Variants in ELSPBP1 observed in about 807,000 individuals in gnomAD.
The protein encoded by ELSPBP1 is epididymal sperm-binding protein 1.
Under a neutral mutation model 33.3 loss-of-function variants are expected in ELSPBP1, and 38 were observed. That is an observed-to-expected ratio of 1.14 (90% CI 0.88 to 1.50). ELSPBP1 has a LOEUF of 1.50. ELSPBP1 is among the 40% of genes most tolerant of loss of function. The pLI, the probability that ELSPBP1 is intolerant of heterozygous loss-of-function variation, is 0.00. For synonymous variants in ELSPBP1, 85 were observed against 94.1 expected (o/e 0.90, Z 0.56); for missense variants, 267 against 263.5 (o/e 1.01, Z -0.09).
Position 48,006,590 on chromosome 19 carries a change from GGC to G in ELSPBP1, c.-17-2059_-17-2058del, listed in dbSNP as rs1568404315. On this transcript the variant is annotated intron_variant, in intron 1 of 6. Coordinates refer to ENST00000339841, the MANE Select transcript of ELSPBP1 (RefSeq NM_022142.5). ...GGTGGTGCCACTGCACTCCAGTCTGGGCGTCTGGGCGACAGAGTGAGACCCTG... is the reference window on the plus strand; with the variant it reads ...GGTGGTGCCACTGCACTCCAGTCTGGGTCTGGGCGACAGAGTGAGACCCTG... Among the ~76,000 whole-genome samples, 101 of 71,982 alleles carry G rather than the reference GGC, an allele frequency of 1.4e-3. 1 individual carries two copies. The highest frequency in any genetic ancestry group is 4.2e-3 in the African/African-American group (75 of 17,700). The allele number at this position is 71,982 out of a possible 152,430, so 47.2% of individuals were successfully genotyped here.
intron 4 of ELSPBP1, 145 bp downstream of exon 4, chr19:48,016,184 G>A (rs927777485): frequency 7.5e-6 from 7 of 935,522 alleles, no homozygotes; most frequent in African/African-American, 1.6e-5. Context: ...CAGAGAGTTC[G>A]CTATGACAAC....
chr19:47,994,921 G>C (rs1234208397), intron 1 of ELSPBP1, 110 bp downstream of exon 1: 1 of 152,090 alleles, frequency 6.6e-6, no homozygotes, highest in Non-Finnish European at 1.5e-5. Context: ...TATAATACGA[G>C]CCACATAAAT....
chr19:47,998,255 T>C (rs942204136), intron 1 of ELSPBP1, among the ~76,000 whole-genome samples: 2 of 151,566 alleles, frequency 1.3e-5, no homozygotes, highest in African/African-American at 4.9e-5. Flanking sequence ...CTACTAAAAA[T>C]ACAAAAATTA....
intron 3 of ELSPBP1, 82 bp downstream of exon 3, chr19:48,014,390 G>T (rs1972419504): frequency 2.0e-6 from 3 of 1,492,272 alleles, no homozygotes; most frequent in African/African-American, 1.4e-5. Flanking sequence ...TCTATGACAT[G>T]ATCACATTTT....
chr19:48,000,738 T>A (rs1199902893), intron 1 of ELSPBP1, among the ~76,000 whole-genome samples: 1 of 152,184 alleles, frequency 6.6e-6, no homozygotes. Flanking sequence ...GCCACACAGC[T>A]GGCTTGAGAG....
chr19:48,016,472 C>T (rs974132426), intron 4 of ELSPBP1, among the ~76,000 whole-genome samples: 408 of 40,586 alleles, frequency 0.01, 9 homozygotes, highest in African/African-American at 0.053. Context: ...TTCCTTCTTT[C>T]TTTCTTTCTT....
intron 4 of ELSPBP1, among the ~76,000 whole-genome samples, chr19:48,017,501 T>C (rs1735469396): frequency 6.6e-6 from 1 of 152,202 alleles, no homozygotes. Context: ...ATTCCATCAT[T>C]AATAAATACA....
At chr19:48,013,884 G>A (rs1181970546) in intron 2 of ELSPBP1, among the ~76,000 whole-genome samples, 2 of 152,080 alleles carry the variant, frequency 1.3e-5, no homozygotes, top group Admixed American at 6.5e-5. Flanking sequence ...CACAGATGGT[G>A]CCTTCTTGCT....
At chr19:47,996,603 A>G (rs1966914699) in intron 1 of ELSPBP1, among the ~76,000 whole-genome samples, 1 of 151,928 alleles carries the variant, frequency 6.6e-6, no homozygotes, top group African/African-American at 2.4e-5. Context: ...AGATGGATAG[A>G]TGGAGGAATG....
chr19:48,017,746 A>C (rs190124311), intron 4 of ELSPBP1, among the ~76,000 whole-genome samples: 1 of 152,140 alleles, frequency 6.6e-6, no homozygotes, highest in East Asian at 1.9e-4. Flanking sequence ...GAATTAAAAA[A>C]TTAACTGATC....
At chr19:48,017,946 G>A (rs993035118) in intron 4 of ELSPBP1, among the ~76,000 whole-genome samples, 7 of 150,204 alleles carry the variant, frequency 4.7e-5, no homozygotes, top group Non-Finnish European at 7.4e-5. Flanking sequence ...TCACTTTTGT[G>A]GTAATATAAC....
chr19:48,016,105 A>T, intron 4 of ELSPBP1, 66 bp downstream of exon 4: 1 of 1,575,714 alleles, frequency 6.3e-7, no homozygotes, highest in Non-Finnish European at 8.7e-7. Flanking sequence ...GATCCTCCTG[A>T]GGGGAGGCTG....
At chr19:48,016,944 A>G (rs1461979886) in intron 4 of ELSPBP1, among the ~76,000 whole-genome samples, 1 of 152,132 alleles carries the variant, frequency 6.6e-6, no homozygotes, top group Admixed American at 6.5e-5. Context: ...AAGTCTACAC[A>G]TAATCTTAGG....
rs370791541 is a variant in ELSPBP1, at chr19:48,012,389, A to T, written c.71-1782A>T. Among the ~76,000 whole-genome samples the T allele has an allele frequency of 6.1e-4, 93 of 152,246 alleles. 3 individuals are homozygous for T. The South Asian group carries it at 0.019, about 31-fold the overall frequency. On this transcript the variant is annotated intron_variant, in intron 2 of 6. Coordinates refer to ENST00000339841, the MANE Select transcript of ELSPBP1 (RefSeq NM_022142.5). ...CACCTCAGCCTCCCAAAGTGCTGGG[A>T]TTACAGGCATGGAGCATTGTGCCTG...
At chr19:48,010,421 G>A (rs1204172571) in intron 2 of ELSPBP1, among the ~76,000 whole-genome samples, 1 of 152,162 alleles carries the variant, frequency 6.6e-6, no homozygotes, top group East Asian at 1.9e-4. Context: ...TACACTTACT[G>A]AGTGATCTTT....
intron 2 of ELSPBP1, among the ~76,000 whole-genome samples, 153 bp from the exon 3 acceptor site, chr19:48,014,018 C>A (rs1967104114): frequency 6.6e-6 from 1 of 152,128 alleles, no homozygotes; most frequent in Non-Finnish European, 1.5e-5. Flanking sequence ...CGTACCATGA[C>A]CGTGGGGGTT....
chr19:48,009,703 TA>T (rs34303424), intron 2 of ELSPBP1, among the ~76,000 whole-genome samples: 1 of 152,028 alleles, frequency 6.6e-6, no homozygotes, highest in Non-Finnish European at 1.5e-5. Context: ...ATTTACGTTT[TA>T]AAAAAAGTGT....
chr19:48,014,636 C>A (rs1479408354), intron 3 of ELSPBP1, among the ~76,000 whole-genome samples: 1 of 151,168 alleles, frequency 6.6e-6, no homozygotes, highest in Non-Finnish European at 1.5e-5. Context: ...AACAAACCTG[C>A]ACATTGTGCA....
At chr19:48,001,810 C>T (rs1966970981) in intron 1 of ELSPBP1, among the ~76,000 whole-genome samples, 1 of 151,964 alleles carries the variant, frequency 6.6e-6, no homozygotes, top group African/African-American at 2.4e-5. Context: ...ACCTCAGCCT[C>T]TCGAATAGCT....
Sources: allele counts gnomAD v4.1 joint callset (sites outside exome capture counted in the v4.1 genomes callset), GRCh38; gene constraint gnomAD v4.1.1; transcripts MANE v1.5; gene names NCBI Gene and HGNC (gene_info 2026-07-23, HGNC 2026-07-21).